INSR: variants seen among roughly 807,000 people sequenced by gnomAD.
INSR encodes insulin receptor.
In INSR, 67 loss-of-function variants were observed where a neutral mutation model predicts 142.6. The observed-to-expected ratio is 0.47, with a 90% CI of 0.39 to 0.58. The LOEUF (loss-of-function observed/expected upper bound fraction) is 0.58, where lower values mean the gene tolerates loss of function less well. Ranked by LOEUF, INSR falls within the 20% of genes least tolerant of loss-of-function variation. The pLI is 0.00. For synonymous variants in INSR, 756 were observed against 743.1 expected (o/e 1.02, Z -0.28); for missense variants, 1,248 against 1,833.2 (o/e 0.68, Z 5.83).
Position 7,132,282 on chromosome 19 carries a change from A to G in INSR, c.2718T>C (p.Ala906=), listed in dbSNP as rs2229433. 2,521 of 1,614,142 alleles carry G rather than the reference A, an allele frequency of 1.6e-3. 37 individuals are homozygous for G. The African/African-American group carries it at 0.029, about 19-fold the overall frequency. The change falls in exon 14 of 22, where the codon GCT becomes GCC. Residue 906 remains alanine (A), a synonymous_variant. Transcript: ENST00000302850. The stretch of plus-strand genomic sequence containing the variant: ...CACGCAGCCTGCAGCCCCGTTCCAG[A>G]GCGAAGTGCTTGCGGGAGACGCAGA... ...LHLCVSRKHF[A]LERGCRLRGL... is the part of the protein sequence containing the mutation.
chr19:7,148,825 C>T (rs1000736930), intron 11 of INSR, among the ~76,000 whole-genome samples: 1 of 151,480 alleles, frequency 6.6e-6, no homozygotes, highest in African/African-American at 2.4e-5. Context: ...GACGGAGTCT[C>T]GCTCTGTGGC....
chr19:7,221,112 G>C (rs58096320), intron 2 of INSR, among the ~76,000 whole-genome samples: 4,014 of 152,194 alleles, frequency 0.026, 170 homozygotes, highest in African/African-American at 0.091. Flanking sequence ...AGTGGCTCAC[G>C]CCTGTAATCC....
In INSR at chr19:7,125,980, A is replaced by G. The variant is rs770749052; in HGVS notation, c.3014-453T>C. On this transcript the variant is annotated intron_variant, in intron 16 of 21. Transcript: ENST00000302850. This position sits in a 1 kb window ranked among gnomAD's most constrained non-coding sequence, Gnocchi z 4.9. ...ATCTCACCACCCCTTGGCCCTGGGC[A>G]TGGCCTTGTGAGTTATTTTGGTCAA... Among the ~76,000 whole-genome samples the G allele has an allele frequency of 6.6e-6, 1 of 152,160 alleles. No homozygotes were observed. Among genetic ancestry groups the G allele is most frequent in the Non-Finnish European group, 1.5e-5 (1 of 68,024 alleles).
At position 7,128,893 on chromosome 19, in the gene INSR, G is replaced by A; in HGVS notation, c.2904C>T (p.Phe968=). ...IIGPLIFVFL[F]SVVIGSIYLF... ...GATAAATACTTCCAATCACAACACTGAAGAGAAAGACAAAGATGAGGGGGC... is the reference window on the plus strand; with the variant it reads ...GATAAATACTTCCAATCACAACACTAAAGAGAAAGACAAAGATGAGGGGGC... The change falls in exon 15 of 22, where the codon TTC becomes TTT. Residue 968 remains phenylalanine (F), a synonymous_variant. Transcript: ENST00000302850. The A allele has an allele frequency of 6.2e-7, 1 of 1,613,966 alleles. No individual in the cohort carries two copies. Among genetic ancestry groups the A allele is most frequent in the Non-Finnish European group, 8.5e-7 (1 of 1,179,844 alleles).
chr19:7,288,007 T>A (rs1381125091), intron 1 of INSR, among the ~76,000 whole-genome samples: 1 of 152,160 alleles, frequency 6.6e-6, no homozygotes, highest in African/African-American at 2.4e-5. Context: ...ACCGTGGGAT[T>A]TGGCCTGAGG....
intron 2 of INSR, among the ~76,000 whole-genome samples, chr19:7,191,945 G>A (rs1182238060): frequency 7.9e-6 from 1 of 126,614 alleles, no homozygotes; most frequent in African/African-American, 2.8e-5. Context: ...AAGGAAGGAA[G>A]GAGAGAGATA....
At chr19:7,198,540 C>T (rs1425726169) in intron 2 of INSR, among the ~76,000 whole-genome samples, 2 of 152,142 alleles carry the variant, frequency 1.3e-5, no homozygotes, top group South Asian at 2.1e-4. Context: ...TGGCAGCTCC[C>T]GGGACTGCCG....
intron 1 of INSR, among the ~76,000 whole-genome samples, chr19:7,277,962 C>T (rs1012259133): frequency 6.6e-6 from 1 of 150,752 alleles, no homozygotes; most frequent in African/African-American, 2.4e-5. Context: ...GGCACGGTAG[C>T]GCTCGCCTGT....
chr19:7,119,640 G>A lies in INSR; in HGVS notation c.3660-57C>T, dbSNP rs184752862. 0.09 allele frequency: 141,174 copies of A among 1,560,592 alleles called. 6,606 individuals are homozygous for A. Among genetic ancestry groups the A allele is most frequent in the Non-Finnish European group, 0.1 (114,665 of 1,138,818 alleles). ...AAGCCATTTAGACACACACACACAC[G>A]CGCGCGCGCAAACACACACACGCAA... On this transcript the variant is annotated intron_variant, in intron 20 of 21. Coordinates refer to ENST00000302850, the MANE Select transcript of INSR (RefSeq NM_000208.4). This position sits in a 1 kb window ranked among gnomAD's most constrained non-coding sequence, Gnocchi z 5.2.
chr19:7,277,967 G>A (rs984595099), intron 1 of INSR, among the ~76,000 whole-genome samples: 64 of 151,804 alleles, frequency 4.2e-4, no homozygotes, highest in African/African-American at 9.4e-4. Flanking sequence ...GGTAGCGCTC[G>A]CCTGTAATCC....
chr19:7,118,890 G>A (rs1486317008), intron 21 of INSR, among the ~76,000 whole-genome samples: 1 of 139,032 alleles, frequency 7.2e-6, no homozygotes, highest in South Asian at 2.3e-4. Context: ...ACTCCAGCCT[G>A]GGTGACAGAG....
chr19:7,155,638 T>C (rs1568452279), intron 9 of INSR, among the ~76,000 whole-genome samples: 1 of 147,138 alleles, frequency 6.8e-6, no homozygotes, highest in Non-Finnish European at 1.5e-5. Context: ...GGGGGCCAGG[T>C]ACAGTGGCTC....
intron 5 of INSR, 65 bp downstream of exon 5, chr19:7,172,225 A>G: frequency 6.3e-7 from 1 of 1,591,840 alleles, no homozygotes; most frequent in East Asian, 2.2e-5. Flanking sequence ...AAAATCCTTA[A>G]GTTGTTCTAA....
intron 6 of INSR, among the ~76,000 whole-genome samples, chr19:7,169,571 T>A (rs1017853627): frequency 1.8e-5 from 2 of 109,816 alleles, no homozygotes; most frequent in Non-Finnish European, 3.4e-5. Context: ...AGCAAGACTC[T>A]GTCCCAAAAA....
chr19:7,220,867 G>C (rs1975590082), intron 2 of INSR, among the ~76,000 whole-genome samples: 1 of 152,108 alleles, frequency 6.6e-6, no homozygotes, highest in East Asian at 1.9e-4. Context: ...TTCCTCATGT[G>C]GCAGCATTGA....
intron 1 of INSR, among the ~76,000 whole-genome samples, chr19:7,273,158 A>T (rs1232393241): frequency 6.6e-6 from 1 of 152,234 alleles, no homozygotes; most frequent in Non-Finnish European, 1.5e-5. Context: ...ATTCTGTCTC[A>T]CTAAAGTTGT....
intron 2 of INSR, among the ~76,000 whole-genome samples, chr19:7,197,356 G>T (rs1216325091): frequency 2.0e-5 from 3 of 152,266 alleles, no homozygotes; most frequent in Admixed American, 2.0e-4. Flanking sequence ...GAGTGAGTGA[G>T]TGGGGAGGGA....
chr19:7,200,148 G>T (rs1407852229), intron 2 of INSR, among the ~76,000 whole-genome samples: 1 of 145,742 alleles, frequency 6.9e-6, no homozygotes, highest in Non-Finnish European at 1.5e-5. Flanking sequence ...CACAGCAGAA[G>T]CCAAAGAAAG....
chr19:7,219,226 G>C (rs918564160), intron 2 of INSR, among the ~76,000 whole-genome samples: 1 of 152,120 alleles, frequency 6.6e-6, no homozygotes, highest in South Asian at 2.1e-4. Context: ...GTCTGTTGCA[G>C]GGACCAGATA....
Sources: gnomAD v4.1 joint callset for allele counts (sites outside exome capture counted in the v4.1 genomes callset) on GRCh38, gnomAD v4.1.1 for gene constraint, Gnocchi (gnomAD v3.1) non-coding constraint, MANE v1.5 for transcripts, NCBI Gene and HGNC (gene_info 2026-07-23, HGNC 2026-07-21) for gene names.